CTCF: variants seen among roughly 807,000 people sequenced by gnomAD.
The protein encoded by CTCF is transcriptional repressor CTCF.
Under a neutral mutation model 72.3 loss-of-function variants are expected in CTCF, and 7 were observed. The observed-to-expected ratio is 0.10, with a 90% CI of 0.06 to 0.18. The LOEUF (loss-of-function observed/expected upper bound fraction) is 0.18, where lower values mean the gene tolerates loss of function less well. Ranked by LOEUF, CTCF falls within the 10% of genes least tolerant of loss-of-function variation. The probability of loss-of-function intolerance (pLI) is 1.00; values close to 1 mark genes in which losing one functional copy is unlikely to be tolerated. For missense variants in CTCF, 516 were observed against 949.1 expected, an observed-to-expected ratio of 0.54 and a Z score of 6.00; for synonymous variants, 374 against 315.8, an observed-to-expected ratio of 1.18 and a Z score of -1.95.
chr16:67,624,730 A>G (rs1195109250), intron 7 of CTCF, among the ~76,000 whole-genome samples: 1 of 151,308 alleles, frequency 6.6e-6, no homozygotes, highest in Non-Finnish European at 1.5e-5. Flanking sequence ...CTAGGACCAC[A>G]GGCACATGCC....
chr16:67,573,609 A>G (rs1229239531), intron 2 of CTCF, among the ~76,000 whole-genome samples: 3 of 152,166 alleles, frequency 2.0e-5, no homozygotes, highest in Non-Finnish European at 2.9e-5. Context: ...TTGAGAAGCA[A>G]TACATTTGAG....
chr16:67,624,125 GTATATATA>G (rs1157876040), intron 7 of CTCF, among the ~76,000 whole-genome samples: 1 of 124,856 alleles, frequency 8.0e-6, no homozygotes, highest in Non-Finnish European at 1.7e-5. Context: ...GTATGTGTGT[GTATATATA>G]TGTGTGTGTG....
At chr16:67,577,435 C>CTTTTTTTTTTTTTTTTTT (rs111728249) in intron 2 of CTCF, among the ~76,000 whole-genome samples, 1 of 140,198 alleles carries the variant, frequency 7.1e-6, no homozygotes. Context: ...GTCTAGACTT[C>CTTTTTTTTTTTTTTTTTT]TTTTTTTTTT....
At chr16:67,622,811 A>ATTT (rs951749794) in intron 7 of CTCF, among the ~76,000 whole-genome samples, 6 of 123,906 alleles carry the variant, frequency 4.8e-5, no homozygotes, top group African/African-American at 9.2e-5. Flanking sequence ...GCCCGGCTAA[A>ATTT]TTTTTTTTTT....
chr16:67,591,730 G>A (rs1276031595), intron 2 of CTCF, among the ~76,000 whole-genome samples: 3 of 151,856 alleles, frequency 2.0e-5, no homozygotes, highest in Admixed American at 6.6e-5. Flanking sequence ...TTGGGGGGGG[G>A]CAGTAAGGGC....
chr16:67,614,509 C>T (rs1170092642), intron 4 of CTCF: 2 of 152,020 alleles, frequency 1.3e-5, no homozygotes, highest in Non-Finnish European at 2.9e-5. Context: ...CCAGTCTGGC[C>T]AACATGATGA....
At chr16:67,624,071 ATGTGTGTGTGTGTGTGTGTGTGTGTGTG>A (rs58387336) in intron 7 of CTCF, among the ~76,000 whole-genome samples, 3 of 117,586 alleles carry the variant, frequency 2.6e-5, no homozygotes, top group South Asian at 2.9e-4. Context: ...AAAATTATAT[ATGTGTGTGTGTGTGTGTGTGTGTGTGTG>A]TGTGTGTGTG....
chr16:67,602,501 A>G (rs886377732), intron 2 of CTCF, among the ~76,000 whole-genome samples: 2 of 152,156 alleles, frequency 1.3e-5, no homozygotes, highest in Admixed American at 6.5e-5. Flanking sequence ...TTGCAGGGAT[A>G]CTAACTTTTG....
intron 2 of CTCF, among the ~76,000 whole-genome samples, chr16:67,577,208 G>A (rs1343296374): frequency 6.6e-6 from 1 of 151,700 alleles, no homozygotes; most frequent in African/African-American, 2.4e-5. Context: ...CACGAGGTCA[G>A]GAGATCGACA....
chr16:67,572,316 G>A (rs1261368617), intron 2 of CTCF, among the ~76,000 whole-genome samples: 3 of 152,198 alleles, frequency 2.0e-5, no homozygotes, highest in African/African-American at 7.2e-5. Flanking sequence ...TAGGAGTGTT[G>A]ACACAGAGTG....
At chr16:67,626,208 G>A (rs1194638246) in intron 7 of CTCF, among the ~76,000 whole-genome samples, 1 of 151,990 alleles carries the variant, frequency 6.6e-6, no homozygotes, top group Non-Finnish European at 1.5e-5. Context: ...GGGAGGCCGA[G>A]GCGGGCAGAT....
chr16:67,615,108 C>T (rs117350910), intron 4 of CTCF: 2,553 of 152,332 alleles, frequency 0.017, 34 homozygotes, highest in Non-Finnish European at 0.028. Flanking sequence ...TGCTACTGCA[C>T]TACAACCTGG....
At position 67,610,969 on chromosome 16, in the gene CTCF, A is replaced by G. The variant is rs1324653386; in HGVS notation, c.137A>G (p.Asp46Gly). The G allele has an allele frequency of 2.5e-6, 4 of 1,595,190 alleles. No homozygotes were observed. Among genetic ancestry groups the G allele is most frequent in the South Asian group, 2.2e-5 (2 of 90,174 alleles). Residue 46 changes from aspartate (D) to glycine (G), a missense_variant, in exon 3 of 12, where the codon GAT becomes GGT. This residue lies in a region of CTCF where 148 missense variants were observed against 194.9 expected (regional missense o/e 0.76). Transcript: ENST00000264010. Reference protein sequence around the residue: ...DACHLPQNQTDGGEVVQDVNS... With the variant: ...DACHLPQNQTGGGEVVQDVNS... ...TGCCACTTACCCCAGAACCAGACGG[A>G]TGGGGGTGAGGTGGTCCAGGATGTC... is the stretch of plus-strand genomic sequence containing the variant.
In CTCF at chr16:67,629,549, C is replaced by G. The variant is rs2142870203; in HGVS notation, c.1837+16C>G. 7 of 1,611,146 alleles carry G rather than the reference C, an allele frequency of 4.3e-6. No individual in the cohort carries two copies. Among genetic ancestry groups the G allele is most frequent in the Non-Finnish European group, 5.1e-6 (6 of 1,178,712 alleles). On this transcript the variant is annotated intron_variant, in intron 10 of 11. Transcript: ENST00000264010. ...TCTGACAGTGGTAAGTGACTTGTTC[C>G]TTGATTTGCTTACTATGGCAGGCTT... is the stretch of plus-strand genomic sequence containing the variant.
At chr16:67,597,569 C>T (rs531836099) in intron 2 of CTCF, among the ~76,000 whole-genome samples, 21 of 152,228 alleles carry the variant, frequency 1.4e-4, no homozygotes, top group Non-Finnish European at 2.2e-4. Flanking sequence ...GAACTCCTGA[C>T]CTTATTATCC....
chr16:67,606,756 G>GTT lies in CTCF; in HGVS notation c.-9-4049_-9-4048dup, dbSNP rs796220502. 5.1e-3 allele frequency among the ~76,000 whole-genome samples: 635 copies of GTT among 124,440 alleles called. 4 individuals carry two copies. Among genetic ancestry groups the GTT allele is most frequent in the African/African-American group, 9.1e-3 (296 of 32,512 alleles). 81.6% of individuals were successfully genotyped at this position (124,440 alleles called of 152,430 possible). A position where few individuals can be genotyped will look rare whatever the true frequency, so the allele number is the denominator to read the frequency against. ...AAAACACTTCAATGTTTTGTTTTGG[G>GTT]TTTTTTTTTTTTTTTTTTTTGAGAC... On this transcript the variant is annotated intron_variant, in intron 2 of 11. Coordinates refer to ENST00000264010, the MANE Select transcript of CTCF (RefSeq NM_006565.4).
At chr16:67,570,085 T>TTC (rs1438269903) in intron 1 of CTCF, among the ~76,000 whole-genome samples, 1 of 151,408 alleles carries the variant, frequency 6.6e-6, no homozygotes, top group Non-Finnish European at 1.5e-5. Context: ...AATTTTTTTT[T>TTC]TTTTTTTTTG....
At chr16:67,600,839 A>G (rs901821159) in intron 2 of CTCF, among the ~76,000 whole-genome samples, 1 of 152,148 alleles carries the variant, frequency 6.6e-6, no homozygotes, top group Non-Finnish European at 1.5e-5. Context: ...AGGAAAAAAA[A>G]TGTGTCCTGT....
At chr16:67,598,123 A>C (rs2051838803) in intron 2 of CTCF, among the ~76,000 whole-genome samples, 1 of 152,000 alleles carries the variant, frequency 6.6e-6, no homozygotes, top group Non-Finnish European at 1.5e-5. Context: ...CTACAGGCAT[A>C]CACCATCACA....
Sources: gnomAD v4.1 joint callset for allele counts (sites outside exome capture counted in the v4.1 genomes callset) on GRCh38, gnomAD v4.1.1 for gene constraint, gnomAD v4.1.1 regional missense constraint, MANE v1.5 for transcripts, NCBI Gene and HGNC (gene_info 2026-07-23, HGNC 2026-07-21) for gene names.